The following SHANK2 variants were observed in gnomAD, a reference collection of about 807,000 sequenced individuals.
SHANK2 encodes SH3 and multiple ankyrin repeat domains 2, also known as SH3 and multiple ankyrin repeat domains protein 2.
A neutral mutation model predicts 133.7 loss-of-function variants in SHANK2; 43 were observed. The ratio of observed to expected loss-of-function variants is 0.32; its 90% CI spans 0.25 to 0.41. The LOEUF (loss-of-function observed/expected upper bound fraction) is 0.41. SHANK2 is among the 10% of genes least tolerant of loss of function. The probability of loss-of-function intolerance (pLI) is 1.00; values close to 1 mark genes in which losing one functional copy is unlikely to be tolerated. For missense variants in SHANK2, 1,994 were observed against 2,235.8 expected (o/e 0.89, Z 2.18); for synonymous variants, 1,017 against 952.8 (o/e 1.07, Z -1.24).
chr11:71,068,181 C>A (rs1951092895), intron 9 of SHANK2, among the ~76,000 whole-genome samples: 1 of 152,258 alleles, frequency 6.6e-6, no homozygotes. Context: ...TCATTAGTAC[C>A]ATGACTTAAT....
At chr11:70,558,802 A>G (rs2059867545) in intron 17 of SHANK2, among the ~76,000 whole-genome samples, 1 of 152,162 alleles carries the variant, frequency 6.6e-6, no homozygotes, top group African/African-American at 2.4e-5. Flanking sequence ...TGAGGCAGCT[A>G]CAGGAGAGCA....
intron 10 of SHANK2, among the ~76,000 whole-genome samples, chr11:70,927,530 G>A (rs1171230574): frequency 1.3e-5 from 2 of 152,012 alleles, no homozygotes; most frequent in African/African-American, 4.8e-5. Context: ...CCAGAGAGCA[G>A]CCATCTCCAC....
intron 8 of SHANK2, among the ~76,000 whole-genome samples, chr11:71,077,101 G>T (rs895886830): frequency 6.6e-6 from 1 of 152,092 alleles, no homozygotes; most frequent in South Asian, 2.1e-4. Context: ...TGGAATTTCC[G>T]GGACATAACA....
intron 12 of SHANK2, among the ~76,000 whole-genome samples, chr11:70,816,214 C>G (rs1225332641): frequency 1.3e-5 from 2 of 152,248 alleles, no homozygotes; most frequent in African/African-American, 4.8e-5. Context: ...ACCCAGCACA[C>G]TCGGGAGGGG....
intron 3 of SHANK2, among the ~76,000 whole-genome samples, chr11:71,140,777 A>C (rs1302662069): frequency 3.3e-5 from 5 of 149,510 alleles, no homozygotes; most frequent in Non-Finnish European, 6.0e-5. Flanking sequence ...GTGTAGAGTG[A>C]ATGGCGAGGG....
At chr11:71,226,076 C>T (rs1362244690) in intron 1 of SHANK2, among the ~76,000 whole-genome samples, 2 of 152,164 alleles carry the variant, frequency 1.3e-5, no homozygotes, top group African/African-American at 4.8e-5. Flanking sequence ...GAGCTGAGAT[C>T]ATGCCATGCA....
At chr11:70,648,657 C>A (rs1012164368) in intron 17 of SHANK2, among the ~76,000 whole-genome samples, 1 of 152,166 alleles carries the variant, frequency 6.6e-6, no homozygotes, top group Admixed American at 6.5e-5. Flanking sequence ...AGGCTGGCAC[C>A]TTCCAGGGAA....
At chr11:71,130,232 C>T (rs1405533219) in intron 3 of SHANK2, among the ~76,000 whole-genome samples, 2 of 152,146 alleles carry the variant, frequency 1.3e-5, no homozygotes, top group African/African-American at 2.4e-5. Flanking sequence ...GACCATGGGG[C>T]GAGTCTCTGC....
At chr11:70,688,310 C>G (rs563571239) in intron 15 of SHANK2, among the ~76,000 whole-genome samples, 82 of 152,198 alleles carry the variant, frequency 5.4e-4, no homozygotes, top group Non-Finnish European at 9.3e-4. Flanking sequence ...CCTACCCTCA[C>G]CTTGGTCTGG....
At chr11:70,875,604 C>T (rs1335932738) in intron 11 of SHANK2, among the ~76,000 whole-genome samples, 1 of 152,096 alleles carries the variant, frequency 6.6e-6, no homozygotes, top group Admixed American at 6.5e-5. Flanking sequence ...CTCACGCCTG[C>T]AATCCCAACA....
At chr11:70,732,889 G>C (rs533132253) in intron 14 of SHANK2, among the ~76,000 whole-genome samples, 1 of 152,242 alleles carries the variant, frequency 6.6e-6, no homozygotes, top group Non-Finnish European at 1.5e-5. Flanking sequence ...GGGACTCTCT[G>C]TTTTGCTTCC....
intron 17 of SHANK2, among the ~76,000 whole-genome samples, chr11:70,530,929 G>A (rs2059459802): frequency 6.6e-6 from 1 of 152,042 alleles, no homozygotes; most frequent in Non-Finnish European, 1.5e-5. Context: ...ACCTTGGGAG[G>A]CCGAGGCGGG....
rs376267466 is a variant in SHANK2 at position 71,147,276 on chromosome 11, G to A, written c.51C>T (p.Ser17=). The change falls in exon 3 of 26, where the codon TCC becomes TCT. Residue 17 remains serine, a synonymous_variant. Coordinates refer to ENST00000601538, the MANE Select transcript of SHANK2 (RefSeq NM_012309.5). ...CTGACTCCGACCCCACGGAGTAGTC[G>A]GAGAAGCTCTGGGCCATCTCGTCCT... ...SSEDEMAQSF[S]DYSVGSESDS... 6.3e-4 allele frequency: 981 copies of A among 1,551,042 alleles called. 2 individuals are homozygous for A. In the African/African-American group the frequency reaches 8.2e-3, roughly 13 times the overall value.
chr11:70,503,703 C>T lies in SHANK2; in HGVS notation c.2062-772G>A, dbSNP rs547964523. Among the ~76,000 whole-genome samples the T allele has an allele frequency of 1.1e-4, 17 of 152,350 alleles. No individual in the cohort carries two copies. The East Asian group carries it at 2.3e-3, about 21-fold the overall frequency. ...CTCACCATGGCAAATGCACCTGACA[C>T]GGAAGTAGGAACGGACTCAGGGTGC... is the stretch of plus-strand genomic sequence containing the variant. On this transcript the variant is annotated intron_variant, in intron 17 of 25. Transcript: ENST00000601538.
chr11:70,653,243 G>A (rs2061359510), intron 17 of SHANK2, among the ~76,000 whole-genome samples: 1 of 152,058 alleles, frequency 6.6e-6, no homozygotes, highest in South Asian at 2.1e-4. Context: ...AAAGTGCTGG[G>A]ATTACAGGCG....
chr11:70,601,436 T>A (rs1375098301), intron 17 of SHANK2, among the ~76,000 whole-genome samples: 3 of 152,274 alleles, frequency 2.0e-5, no homozygotes, highest in Admixed American at 2.0e-4. Flanking sequence ...GCCAGGATGG[T>A]CTTATCTCTT....
intron 2 of SHANK2, among the ~76,000 whole-genome samples, chr11:71,156,376 T>G (rs1952907054): frequency 6.6e-6 from 1 of 152,250 alleles, no homozygotes; most frequent in Non-Finnish European, 1.5e-5. Context: ...TGCTGGCATC[T>G]CTGGATGAAC....
chr11:70,600,648 A>T (rs913184112), intron 17 of SHANK2, among the ~76,000 whole-genome samples: 2 of 152,048 alleles, frequency 1.3e-5, no homozygotes, highest in African/African-American at 4.8e-5. Context: ...TCCATGTGGA[A>T]GTTTGGTTTA....
intron 17 of SHANK2, among the ~76,000 whole-genome samples, chr11:70,548,069 TGTGGCTTGTACTGG>T (rs1403721908): frequency 5.9e-5 from 9 of 152,228 alleles, no homozygotes; most frequent in Non-Finnish European, 1.2e-4. Context: ...CGCTGACATA[TGTGGCTTGTACTGG>T]ACAGATGTGG....
Sources: gnomAD v4.1 joint callset for allele counts (sites outside exome capture counted in the v4.1 genomes callset) on GRCh38, gnomAD v4.1.1 for gene constraint, MANE v1.5 for transcripts, NCBI Gene and HGNC (gene_info 2026-07-23, HGNC 2026-07-21) for gene names.